ZNF112: variants seen among roughly 807,000 people sequenced by gnomAD.
ZNF112 encodes zinc finger protein 112 (Y14).
In ZNF112, 37 loss-of-function variants were observed where a neutral mutation model predicts 77.7. The observed-to-expected ratio is 0.48, with a 90% CI of 0.37 to 0.63. The LOEUF (loss-of-function observed/expected upper bound fraction) is 0.63. Among genes scored for constraint, ZNF112 ranks in the 20% least tolerant of loss-of-function variants. The probability of loss-of-function intolerance (pLI) is 0.00; values close to 1 mark genes in which losing one functional copy is unlikely to be tolerated. For synonymous variants in ZNF112, 333 were observed against 363.6 expected (o/e 0.92, Z 0.96); for missense variants, 950 against 1,077.4 (o/e 0.88, Z 1.66).
At chr19:44,339,201 G>C (rs142265145) in intron 2 of ZNF112, among the ~76,000 whole-genome samples, 49 of 152,340 alleles carry the variant, frequency 3.2e-4, no homozygotes, top group African/African-American at 1.1e-3. Flanking sequence ...TGCAGTAAAG[G>C]AAAGAGTTAG....
Position 44,336,597 on chromosome 19 carries a change from C to T in ZNF112, c.220+26G>A, listed in dbSNP as rs1351919452. On this transcript the variant is annotated intron_variant, in intron 3 of 3. Transcript: ENST00000354340. ...TGTTCTAGAAGGGGCTCCCTGGCTG[C>T]TGTGTTCCTGCAGCACAGTTCTCAC... 6 of 1,589,370 alleles carry T rather than the reference C, an allele frequency of 3.8e-6. 1 individual carries two copies. The South Asian group carries it at 6.6e-5, about 18-fold the overall frequency.
At chr19:44,341,153 T>C (rs1970482399) in intron 1 of ZNF112, 1 of 456,686 alleles carries the variant, frequency 2.2e-6, no homozygotes, top group Non-Finnish European at 4.4e-6. Flanking sequence ...ATGTAAAGCA[T>C]GGAAAACAGC....
At chr19:44,330,020 T>G in intron 3 of ZNF112, 84 bp from the exon 4 acceptor site, 1 of 1,070,690 alleles carries the variant, frequency 9.3e-7, no homozygotes, top group South Asian at 1.8e-5. Context: ...GGTCATAACA[T>G]GAAACTTGAA....
At chr19:44,334,503 G>C (rs1970329048) in intron 3 of ZNF112, among the ~76,000 whole-genome samples, 1 of 152,202 alleles carries the variant, frequency 6.6e-6, no homozygotes, top group Non-Finnish European at 1.5e-5. Flanking sequence ...CAAGAAAATG[G>C]GGAAAATGCC....
chr19:44,334,408 G>T (rs10404507), intron 3 of ZNF112, among the ~76,000 whole-genome samples: 3,140 of 152,300 alleles, frequency 0.021, 112 homozygotes, highest in African/African-American at 0.072. Context: ...CTGATCATGT[G>T]GTAGAAAAGA....
Position 44,329,614 on chromosome 19 carries a change from A to T in ZNF112, c.543T>A (p.Tyr181Ter), listed in dbSNP as rs1970228442. The change falls in exon 4 of 4, where the codon TAT becomes TAA. Residue 181 changes from tyrosine (Y) to a stop codon, truncating the protein, a stop_gained. Transcript: ENST00000354340. LOFTEE classifies it high-confidence loss of function. ...ACTGATAATTATGTGACTCTTTCAG[A>T]TACATTTTCCTCCAAGAATGATGTG... ...WRAHHSWRKMYLKESHNYQCR... is the reference protein window; with the variant it reads ...WRAHHSWRKM 6.2e-7 allele frequency: 1 copy of T among 1,614,018 alleles called. No homozygotes were observed. Among genetic ancestry groups the T allele is most frequent in the Admixed American group, 1.7e-5 (1 of 59,980 alleles).
Position 44,328,445 on chromosome 19 carries a change from C to T in ZNF112, c.1712G>A (p.Gly571Glu), listed in dbSNP as rs1970180211. The T allele has an allele frequency of 1.2e-6, 2 of 1,614,182 alleles. No individual in the cohort carries two copies. Among genetic ancestry groups the T allele is most frequent in the Admixed American group, 3.3e-5 (2 of 60,016 alleles). ...TTCCTCACATTTATAAGGTTTTTCTCCAGTGTGGACTCTCTGATGGGCTTG... is the reference window on the plus strand; with the variant it reads ...TTCCTCACATTTATAAGGTTTTTCTTCAGTGTGGACTCTCTGATGGGCTTG... ...YLQAHQRVHT[G>E]EKPYKCEECG... is the part of the protein sequence containing the mutation. The change falls in exon 4 of 4, where the codon GGA becomes GAA. Residue 571 changes from glycine (G) to glutamate (E), a missense_variant. Transcript: ENST00000354340.
intron 1 of ZNF112, among the ~76,000 whole-genome samples, chr19:44,348,780 G>C (rs1970641007): frequency 6.6e-6 from 1 of 151,990 alleles, no homozygotes; most frequent in South Asian, 2.1e-4. Flanking sequence ...AAGAGATGCA[G>C]CTAAAGCAGA....
At chr19:44,337,830 T>TACATAC (rs199650477) in intron 2 of ZNF112, among the ~76,000 whole-genome samples, 4 of 38,378 alleles carry the variant, frequency 1.0e-4, no homozygotes, top group Non-Finnish European at 2.4e-4. Flanking sequence ...TGTATGTATA[T>TACATAC]ACATACACAT....
chr19:44,348,654 C>A (rs1440773552), intron 1 of ZNF112, among the ~76,000 whole-genome samples: 1 of 151,962 alleles, frequency 6.6e-6, no homozygotes, highest in Non-Finnish European at 1.5e-5. Flanking sequence ...TTCTAAGCAA[C>A]CAATGAAATT....
At chr19:44,332,912 C>T (rs8110918) in intron 3 of ZNF112, among the ~76,000 whole-genome samples, 6 of 152,056 alleles carry the variant, frequency 3.9e-5, no homozygotes, top group South Asian at 2.1e-4. Flanking sequence ...TGGTATAGAC[C>T]GAAACACCTT....
intron 1 of ZNF112, among the ~76,000 whole-genome samples, chr19:44,366,514 T>G (rs1173532495): frequency 6.6e-6 from 1 of 152,170 alleles, no homozygotes; most frequent in Non-Finnish European, 1.5e-5. Flanking sequence ...AAGGTTCTGC[T>G]GCTAGGAGCC....
In ZNF112 at chr19:44,327,720, T is replaced by C. The variant is rs1970154378; in HGVS notation, c.2437A>G (p.Ser813Gly). The C allele has an allele frequency of 6.2e-6, 10 of 1,613,042 alleles. No individual in the cohort carries two copies. The highest frequency in any genetic ancestry group is 5.5e-5 in the South Asian group (5 of 91,034). ...TGGACTCTGTGATGGGCTTGAAGAC[T>C]TGAATACCCACTGAAACCCTTACCA... is the stretch of plus-strand genomic sequence containing the variant. ...QCGKGFSGYSSLQAHHRVHTG... is the reference protein window; with the variant it reads ...QCGKGFSGYSGLQAHHRVHTG... The change falls in exon 4 of 4, where the codon AGT becomes GGT. Residue 813 changes from serine to glycine, a missense_variant. Physicochemically the swap from Ser to Gly is moderately conservative, Grantham distance 56 (BLOSUM62 0). Transcript: ENST00000354340.
chr19:44,344,503 T>C (rs531655790), intron 1 of ZNF112, among the ~76,000 whole-genome samples: 6 of 152,294 alleles, frequency 3.9e-5, no homozygotes, highest in African/African-American at 1.2e-4. Flanking sequence ...GCCTCTGCTG[T>C]AGAATCCACA....
At chr19:44,330,634 G>A (rs540264996) in intron 3 of ZNF112, among the ~76,000 whole-genome samples, 2 of 152,290 alleles carry the variant, frequency 1.3e-5, no homozygotes, top group South Asian at 4.1e-4. Context: ...TACTGAGGAG[G>A]CTGAGGCAGG....
At chr19:44,364,764 A>G (rs1970886646) in intron 1 of ZNF112, among the ~76,000 whole-genome samples, 1 of 152,230 alleles carries the variant, frequency 6.6e-6, no homozygotes, top group Non-Finnish European at 1.5e-5. Context: ...ACAGGGTGAT[A>G]TGAAAAGGTT....
intron 1 of ZNF112, among the ~76,000 whole-genome samples, chr19:44,362,731 TAAAAA>T (rs1970866157): frequency 1.3e-5 from 2 of 152,162 alleles, no homozygotes; most frequent in South Asian, 4.2e-4. Context: ...GCACACATAT[TAAAAA>T]GAAAAAGAAA....
Position 44,329,426 on chromosome 19 carries a change from G to A in ZNF112, c.731C>T (p.Ser244Leu). The A allele has an allele frequency of 6.2e-7, 1 of 1,614,016 alleles. No individual in the cohort carries two copies. Among genetic ancestry groups the A allele is most frequent in the Non-Finnish European group, 8.5e-7 (1 of 1,179,982 alleles). Residue 244 changes from serine (S) to leucine (L), a missense_variant, in exon 4 of 4, where the codon TCA (serine) becomes TTA (leucine). Around this residue, in one of 3 missense-constraint regions of ZNF112, gnomAD observed 560 missense variants for 557.3 expected, o/e 1.00. Transcript: ENST00000354340. ...ATAGGGCTTCTCCTCTGTTTGAATT[G>A]ACTCCTGATTAAGTAATGATACCTT... ...IMKVSLLNQE[S>L]IQTEEKPYPC...
intron 2 of ZNF112, 41 bp from the exon 3 acceptor site, chr19:44,336,759 T>G (rs755807707): frequency 6.5e-7 from 1 of 1,542,646 alleles, no homozygotes; most frequent in African/African-American, 1.4e-5. Context: ...TTAAGTTTGA[T>G]GACATTCAAT....
Sources: gnomAD v4.1 joint callset for allele counts (sites outside exome capture counted in the v4.1 genomes callset) on GRCh38, gnomAD v4.1.1 for gene constraint, gnomAD v4.1.1 regional missense constraint, MANE v1.5 for transcripts, NCBI Gene and HGNC (gene_info 2026-07-23, HGNC 2026-07-21) for gene names.